HMCN2: variants seen among roughly 807,000 people sequenced by gnomAD.
HMCN2 encodes hemicentin-2.
HMCN2 carries 325 observed loss-of-function variants against 377.5 expected under a neutral mutation model. That is an observed-to-expected ratio of 0.86 (90% CI 0.79 to 0.94). The LOEUF (loss-of-function observed/expected upper bound fraction) is 0.94, where lower values mean the gene tolerates loss of function less well. Ranked by LOEUF, HMCN2 falls within the 40% of genes least tolerant of loss-of-function variation. The pLI, the probability that HMCN2 is intolerant of heterozygous loss-of-function variation, is 0.00. For synonymous variants in HMCN2, 2,007 were observed against 2,046.8 expected (o/e 0.98, Z 0.53); for missense variants, 4,543 against 4,725.3 (o/e 0.96, Z 1.13).
chr9:130,428,093 C>T lies in HMCN2; in HGVS notation c.14066-265C>T, dbSNP rs1376115624. Among the ~76,000 whole-genome samples the T allele has an allele frequency of 1.3e-5, 2 of 152,218 alleles. No individual in the cohort carries two copies. Among genetic ancestry groups the T allele is most frequent in the African/African-American group, 4.8e-5 (2 of 41,460 alleles). ...GGTGCTGCCAAGTCTCCGCTGGGCT[C>T]CAAGCCGGGTGCCCAAGGGGACGTT... On this transcript the variant is annotated intron_variant, in intron 92 of 97. Transcript: ENST00000683500. The surrounding 1 kb of genome is among the most constrained non-coding windows in gnomAD (Gnocchi z 5.0).
At position 130,378,059 on chromosome 9, in the gene HMCN2, C is replaced by T. The variant is rs547122111; in HGVS notation, c.8212+260C>T. Among the ~76,000 whole-genome samples, 41 of 152,174 alleles carry T rather than the reference C, an allele frequency of 2.7e-4. No homozygotes were observed. In the South Asian group the frequency reaches 7.5e-3, roughly 28 times the overall value. On this transcript the variant is annotated intron_variant, in intron 53 of 97. Transcript: ENST00000683500. Reference sequence around the variant, plus strand: ...CTGGAATGGTCTGGTTGAGCCAGAACGCCACACTCTTAGCCCCTCTGCCAG... The same window carrying T: ...CTGGAATGGTCTGGTTGAGCCAGAATGCCACACTCTTAGCCCCTCTGCCAG...
At position 130,347,760 on chromosome 9, in the gene HMCN2, AAT is replaced by A. The variant is rs1839460695; in HGVS notation, c.4024+401_4024+402del. Reference sequence around the variant, plus strand: ...GCTGGGCATGGTGGCTTGCACCTGTAATCCTAGCACTTTGGGAGGCTGAGGCA... The same window carrying A: ...GCTGGGCATGGTGGCTTGCACCTGTACCTAGCACTTTGGGAGGCTGAGGCA... On this transcript the variant is annotated intron_variant, in intron 26 of 97. Coordinates refer to ENST00000683500, the MANE Select transcript of HMCN2 (RefSeq NM_001291815.2). This position sits in a 1 kb window ranked among gnomAD's most constrained non-coding sequence, Gnocchi z 5.1. Among the ~76,000 whole-genome samples the A allele has an allele frequency of 6.6e-6, 1 of 152,196 alleles. No homozygotes were observed. Among genetic ancestry groups the A allele is most frequent in the South Asian group, 2.1e-4 (1 of 4,830 alleles).
chr9:130,355,999 G>A, intron 33 of HMCN2, 89 bp from the exon 34 acceptor site: 2 of 968,084 alleles, frequency 2.1e-6, no homozygotes, highest in South Asian at 1.6e-5. Context: ...GAGAGCAGGT[G>A]GGAGGAACTT....
chr9:130,285,386 C>A, intron 3 of HMCN2, 70 bp downstream of exon 3: 1 of 453,194 alleles, frequency 2.2e-6, no homozygotes, highest in South Asian at 1.6e-5. Flanking sequence ...GGGTCTCTCT[C>A]ACCACCTGAG....
Position 130,418,954 on chromosome 9 carries a change from G to T in HMCN2, c.13144G>T (p.Val4382Leu). 6.5e-7 allele frequency: 1 copy of T among 1,535,398 alleles called. No homozygotes were observed. The highest frequency in any genetic ancestry group is 1.4e-5 in the African/African-American group (1 of 72,690). Residue 4382 changes from valine (V) to leucine (L), a missense_variant, in exon 86 of 98, where the codon GTG (valine) becomes TTG (leucine). Around this residue, in one of 5 missense-constraint regions of HMCN2, gnomAD observed 1,155 missense variants for 1,157.7 expected, o/e 1.00. Transcript: ENST00000683500. ...LPDGSLWLEN[V>L]ETGDAGTYDC... ...CGATGGGAGCCTGTGGCTGGAGAAC[G>T]TGGAGACTGGGGATGCAGGCACCTA...
In HMCN2 at chr9:130,433,526, C is replaced by A. The variant is rs548199955; in HGVS notation, c.15073C>A (p.Pro5025Thr). Residue 5025 changes from proline to threonine, a missense_variant, in exon 98 of 98, where the codon CCC becomes ACC. Pro to Thr is a conservative substitution (Grantham distance 38). This residue lies in a region of HMCN2 where 1,155 missense variants were observed against 1,157.7 expected (regional missense o/e 1.00). Coordinates refer to ENST00000683500, the MANE Select transcript of HMCN2 (RefSeq NM_001291815.2). Reference protein sequence around the residue: ...RTELSMLEPDPRSPFALRPLR... With the variant: ...RTELSMLEPDTRSPFALRPLR... The stretch of plus-strand genomic sequence containing the variant: ...CGAGCTCAGCATGCTGGAGCCCGAC[C>A]CCCGCAGCCCCTTCGCGCTGCGTCC... 1 of 1,473,452 alleles carries A rather than the reference C, an allele frequency of 6.8e-7. No individual in the cohort carries two copies. The highest frequency in any genetic ancestry group is 8.9e-7 in the Non-Finnish European group (1 of 1,120,210). The allele number at this position is 1,473,452 out of a possible 1,614,324, so 91.3% of individuals were successfully genotyped here. A position where few individuals can be genotyped will look rare whatever the true frequency, so the allele number is the denominator to read the frequency against.
chr9:130,418,546 C>A (rs566166157), intron 85 of HMCN2, among the ~76,000 whole-genome samples: 11 of 151,760 alleles, frequency 7.2e-5, no homozygotes, highest in African/African-American at 2.2e-4. Context: ...GACTCCATCT[C>A]AAAAAATAAA....
At chr9:130,338,099 C>G (rs1838854676) in intron 23 of HMCN2, 78 bp downstream of exon 23, 1 of 153,046 alleles carries the variant, frequency 6.5e-6, no homozygotes, top group Non-Finnish European at 1.5e-5. Context: ...AGTGCCCCTC[C>G]TGCAGCCCAC....
At position 130,424,983 on chromosome 9, in the gene HMCN2, C is replaced by CCCG. The variant is rs1005003067; in HGVS notation, c.13520-26_13520-25insCCG. 71 of 1,528,170 alleles carry CCCG rather than the reference C, an allele frequency of 4.6e-5. 2 individuals carry two copies. In the Admixed American group the frequency reaches 1.4e-3, roughly 31 times the overall value. The allele number at this position is 1,528,170 out of a possible 1,614,324, so 94.7% of individuals were successfully genotyped here. On this transcript the variant is annotated intron_variant, in intron 88 of 97. Transcript: ENST00000683500. ...GCGCCCAGGACCTCCCGTGGTGACT[C>CCCG]TGGGCTGGGTGGGGATGGTTTGCAG...
intron 87 of HMCN2, among the ~76,000 whole-genome samples, chr9:130,424,244 T>C (rs1203937038): frequency 6.6e-6 from 1 of 151,226 alleles, no homozygotes; most frequent in Admixed American, 6.6e-5. Context: ...AGTGGCATGA[T>C]CTTGGCTCAC....
In HMCN2 at chr9:130,433,452, T is replaced by G; in HGVS notation, c.14999T>G (p.Val5000Gly). 1 of 1,498,890 alleles carries G rather than the reference T, an allele frequency of 6.7e-7. No homozygotes were observed. Among genetic ancestry groups the G allele is most frequent in the Non-Finnish European group, 8.8e-7 (1 of 1,132,040 alleles). The allele number at this position is 1,498,890 out of a possible 1,614,324, so 92.8% of individuals were successfully genotyped here. Residue 5000 changes from valine to glycine, a missense_variant, in exon 98 of 98, where the codon GTG becomes GGG. By Grantham distance (109) the Val-to-Gly change is moderately radical. Around this residue, in one of 5 missense-constraint regions of HMCN2, gnomAD observed 1,155 missense variants for 1,157.7 expected, o/e 1.00. Transcript: ENST00000683500. ...CTGGGCGTGCGCGCCCACCACGACG[T>G]GGCCCGCCTCACCGCCTTCTCCGAG... The part of the protein sequence containing the change: ...LPLGVRAHHD[V>G]ARLTAFSEVG...
chr9:130,352,889 C>T (rs756359776), intron 30 of HMCN2, 38 bp from the exon 31 acceptor site: 37 of 1,227,426 alleles, frequency 3.0e-5, no homozygotes, highest in East Asian at 2.3e-4. Flanking sequence ...GAGGCCTCAG[C>T]GGCTGCCTGT....
chr9:130,280,881 G>A (rs552006199), intron 1 of HMCN2, among the ~76,000 whole-genome samples: 9 of 152,196 alleles, frequency 5.9e-5, no homozygotes, highest in East Asian at 1.9e-4. Flanking sequence ...CAATGCAGGC[G>A]GATCATGAGG....
rs917168907 is a variant in HMCN2, at chr9:130,369,127, C to T, written c.6788-443C>T. 4.6e-5 allele frequency among the ~76,000 whole-genome samples: 7 copies of T among 152,116 alleles called. No homozygotes were observed. Among genetic ancestry groups the T allele is most frequent in the Non-Finnish European group, 5.9e-5 (4 of 68,038 alleles). ...GTGAAGCTCCTATATATGATGGAAA[C>T]CTAAAGCCCTATCTACTGGTCCTGC... On this transcript the variant is annotated intron_variant, in intron 44 of 97. Transcript: ENST00000683500. This position sits in a 1 kb window ranked among gnomAD's most constrained non-coding sequence, Gnocchi z 4.5.
chr9:130,392,619 G>A (rs1263783505), intron 66 of HMCN2, among the ~76,000 whole-genome samples: 1 of 152,162 alleles, frequency 6.6e-6, no homozygotes, highest in Non-Finnish European at 1.5e-5. Flanking sequence ...AGGAGGTCTG[G>A]CTTCAGAATG....
chr9:130,429,770 T>G lies in HMCN2; in HGVS notation c.14326+85T>G, dbSNP rs112269985. The G allele has an allele frequency of 9.4e-3, 10,197 of 1,088,826 alleles. 1,004 individuals carry two copies. The highest frequency in any genetic ancestry group is 0.012 in the Non-Finnish European group (9,342 of 796,818). The allele number at this position is 1,088,826 out of a possible 1,614,324, so 67.4% of individuals were successfully genotyped here. A position where few individuals can be genotyped will look rare whatever the true frequency, so the allele number is the denominator to read the frequency against. On this transcript the variant is annotated intron_variant, in intron 94 of 97. Coordinates refer to ENST00000683500, the MANE Select transcript of HMCN2 (RefSeq NM_001291815.2). ...CAGGGCCCCAGCCTGCCCTGCCTAG[T>G]TACGGGGACACCCACCCTCTGGCCA...
intron 19 of HMCN2, among the ~76,000 whole-genome samples, chr9:130,322,655 C>T (rs1217511065): frequency 1.3e-5 from 2 of 152,274 alleles, no homozygotes; most frequent in African/African-American, 2.4e-5. Context: ...TAGGTGACCA[C>T]GTACCTACGT....
intron 73 of HMCN2, 22 bp from the exon 74 acceptor site, chr9:130,397,506 G>A (rs1842663183): frequency 1.6e-6 from 2 of 1,289,292 alleles, no homozygotes; most frequent in South Asian, 1.2e-5. Flanking sequence ...CTCATCTCCA[G>A]GGCAACCCCC....
Position 130,371,108 on chromosome 9 carries a change from G to A in HMCN2, c.7214G>A (p.Gly2405Glu). 1.0e-6 allele frequency: 1 copy of A among 985,940 alleles called. No homozygotes were observed. The highest frequency in any genetic ancestry group is 1.2e-6 in the Non-Finnish European group (1 of 830,032). 61.1% of individuals were successfully genotyped at this position (985,940 alleles called of 1,614,324 possible). A position where few individuals can be genotyped will look rare whatever the true frequency, so the allele number is the denominator to read the frequency against. The stretch of plus-strand genomic sequence containing the variant: ...CGAGGGGAGGAGCCTGTCAGCCCCG[G>A]GGAGGACACCTACCTGCTGGCAGGT... Reference protein sequence around the residue: ...WFRGEEPVSPGEDTYLLAGGW... With the variant: ...WFRGEEPVSPEEDTYLLAGGW... Residue 2405 changes from glycine (G) to glutamate (E), a missense_variant, in exon 46 of 98, where the codon GGG becomes GAG. Coordinates refer to ENST00000683500, the MANE Select transcript of HMCN2 (RefSeq NM_001291815.2).
Sources: gnomAD v4.1 joint callset for allele counts (sites outside exome capture counted in the v4.1 genomes callset) on GRCh38, gnomAD v4.1.1 for gene constraint, gnomAD v4.1.1 regional missense constraint, Gnocchi (gnomAD v3.1) non-coding constraint, MANE v1.5 for transcripts, NCBI Gene and HGNC (gene_info 2026-07-23, HGNC 2026-07-21) for gene names.